CTTNBP2: variants seen among roughly 807,000 people sequenced by gnomAD.
The protein encoded by CTTNBP2 is cortactin-binding protein 2.
A neutral mutation model predicts 156.9 loss-of-function variants in CTTNBP2; 108 were observed. The observed-to-expected ratio is 0.69, with a 90% CI of 0.59 to 0.81. CTTNBP2 has a LOEUF of 0.81. Ranked by LOEUF, CTTNBP2 falls within the 30% of genes least tolerant of loss-of-function variation. CTTNBP2 has a pLI of 0.00. For missense variants in CTTNBP2, 1,924 were observed against 2,035.4 expected (o/e 0.95, Z 1.05); for synonymous variants, 767 against 751.8 (o/e 1.02, Z -0.33).
At chr7:117,811,437 A>C (rs1800274149) in intron 2 of CTTNBP2, among the ~76,000 whole-genome samples, 1 of 151,960 alleles carries the variant, frequency 6.6e-6, no homozygotes, top group Non-Finnish European at 1.5e-5. Context: ...TATAGCTGGA[A>C]CTATAGGTGC....
chr7:117,735,769 T>C (rs2116493054), intron 14 of CTTNBP2, among the ~76,000 whole-genome samples: 1 of 152,216 alleles, frequency 6.6e-6, no homozygotes, highest in Non-Finnish European at 1.5e-5. Context: ...TCACAAACAA[T>C]ATATTAAGAA....
chr7:117,871,279 T>C (rs1804577726), intron 1 of CTTNBP2, among the ~76,000 whole-genome samples: 1 of 152,188 alleles, frequency 6.6e-6, no homozygotes, highest in Non-Finnish European at 1.5e-5. Flanking sequence ...AAGCGGCTGA[T>C]ATGAGAGAAC....
chr7:117,789,341 A>G (rs1486698719), intron 4 of CTTNBP2, among the ~76,000 whole-genome samples: 1 of 152,156 alleles, frequency 6.6e-6, no homozygotes, highest in African/African-American at 2.4e-5. Context: ...TTTTTAAGTG[A>G]CAAAACTTCT....
intron 14 of CTTNBP2, among the ~76,000 whole-genome samples, chr7:117,741,689 T>C (rs1796026636): frequency 6.6e-6 from 1 of 152,224 alleles, no homozygotes; most frequent in African/African-American, 2.4e-5. Context: ...GTGGAGTATT[T>C]TGTCCTTAGT....
At chr7:117,764,765 T>A (rs1053434021) in intron 9 of CTTNBP2, among the ~76,000 whole-genome samples, 1 of 152,194 alleles carries the variant, frequency 6.6e-6, no homozygotes, top group Non-Finnish European at 1.5e-5. Flanking sequence ...TGCTTTCAGT[T>A]TTCTAGTATT....
chr7:117,814,725 C>T (rs1199742213), intron 2 of CTTNBP2, among the ~76,000 whole-genome samples: 1 of 152,172 alleles, frequency 6.6e-6, no homozygotes, highest in East Asian at 1.9e-4. Flanking sequence ...TCCGTGACAG[C>T]CTAAAACCAC....
chr7:117,869,274 T>C (rs1311261189), intron 1 of CTTNBP2, among the ~76,000 whole-genome samples: 1 of 152,208 alleles, frequency 6.6e-6, no homozygotes, highest in Non-Finnish European at 1.5e-5. Flanking sequence ...TAACATTAAT[T>C]ATTACAAGTC....
chr7:117,789,196 C>T (rs930727248), intron 4 of CTTNBP2, among the ~76,000 whole-genome samples: 3 of 152,154 alleles, frequency 2.0e-5, no homozygotes, highest in Admixed American at 2.0e-4. Flanking sequence ...AAATGTTCCT[C>T]AGTCATAGAT....
chr7:117,793,813 T>C (rs1220479614), intron 3 of CTTNBP2, among the ~76,000 whole-genome samples: 3 of 152,210 alleles, frequency 2.0e-5, no homozygotes, highest in African/African-American at 2.4e-5. Context: ...AGCCTTTCTT[T>C]CTCCAGATGG....
chr7:117,818,557 T>G (rs183511707), intron 2 of CTTNBP2, among the ~76,000 whole-genome samples: 1 of 152,242 alleles, frequency 6.6e-6, no homozygotes, highest in East Asian at 1.9e-4. Context: ...CACCAAGCCA[T>G]GAAATGGACA....
At chr7:117,860,939 G>C (rs1307454655) in intron 2 of CTTNBP2, among the ~76,000 whole-genome samples, 3 of 152,092 alleles carry the variant, frequency 2.0e-5, no homozygotes, top group East Asian at 1.9e-4. Context: ...AAACATAAAA[G>C]GATTTCTGAA....
chr7:117,805,906 A>T (rs1799910665), intron 3 of CTTNBP2, among the ~76,000 whole-genome samples: 1 of 152,226 alleles, frequency 6.6e-6, no homozygotes, highest in South Asian at 2.1e-4. Flanking sequence ...ACTACAAAGG[A>T]TATGAAAATC....
chr7:117,818,392 G>A (rs996249163), intron 2 of CTTNBP2, among the ~76,000 whole-genome samples: 3 of 152,190 alleles, frequency 2.0e-5, no homozygotes, highest in Non-Finnish European at 2.9e-5. Flanking sequence ...TATCTTGGGT[G>A]CCAATGATAC....
At chr7:117,859,544 T>C (rs918378617) in intron 2 of CTTNBP2, among the ~76,000 whole-genome samples, 2 of 152,214 alleles carry the variant, frequency 1.3e-5, no homozygotes, top group African/African-American at 2.4e-5. Context: ...CCTTCACTTC[T>C]ATCTCACCAC....
chr7:117,802,525 A>T (rs1170576481), intron 3 of CTTNBP2, among the ~76,000 whole-genome samples: 3 of 151,988 alleles, frequency 2.0e-5, no homozygotes, highest in African/African-American at 7.2e-5. Flanking sequence ...TCACAACAAA[A>T]ATACAAATTG....
Position 117,791,641 on chromosome 7 carries a change from C to T in CTTNBP2, c.1555G>A (p.Gly519Ser). The change falls in exon 4 of 23, where the codon GGC becomes AGC. Residue 519 changes from glycine (G) to serine (S), a missense_variant. Physicochemically the swap from Gly to Ser is moderately conservative, Grantham distance 56. Coordinates refer to ENST00000160373, the MANE Select transcript of CTTNBP2 (RefSeq NM_033427.3). ...GTCCGACCAACTGGAGGGTGGGTGC[C>T]AACATCCCCTGTTGGGGGCACTCCA... ...RPGVPPTGDV[G>S]THPPVGRTSL... The T allele has an allele frequency of 6.2e-7, 1 of 1,614,156 alleles. No individual in the cohort carries two copies. The highest frequency in any genetic ancestry group is 1.3e-5 in the African/African-American group (1 of 75,040).
At chr7:117,762,532 T>G (rs1370008562) in intron 9 of CTTNBP2, among the ~76,000 whole-genome samples, 1 of 152,170 alleles carries the variant, frequency 6.6e-6, no homozygotes, top group Non-Finnish European at 1.5e-5. Flanking sequence ...CAAGTCCTTC[T>G]CATTACCTCA....
At chr7:117,789,742 T>C (rs562741900) in intron 4 of CTTNBP2, among the ~76,000 whole-genome samples, 2 of 146,278 alleles carry the variant, frequency 1.4e-5, no homozygotes, top group Non-Finnish European at 3.0e-5. Context: ...CTAAGCTCAA[T>C]ACCAAGCTGA....
intron 12 of CTTNBP2, among the ~76,000 whole-genome samples, chr7:117,750,621 T>C (rs1430330072): frequency 6.6e-6 from 1 of 152,202 alleles, no homozygotes; most frequent in Non-Finnish European, 1.5e-5. Flanking sequence ...ACCATTTAAA[T>C]TCTGAACAAC....
Sources: allele counts gnomAD v4.1 joint callset (sites outside exome capture counted in the v4.1 genomes callset), GRCh38; gene constraint gnomAD v4.1.1; transcripts MANE v1.5; gene names NCBI Gene and HGNC (gene_info 2026-07-23, HGNC 2026-07-21).